Variants in PBRM1 observed in about 807,000 individuals in gnomAD.
The protein encoded by PBRM1 is protein polybromo-1.
A neutral mutation model predicts 194.5 loss-of-function variants in PBRM1; 27 were observed. That is an observed-to-expected ratio of 0.14 (90% confidence interval 0.10 to 0.19). The LOEUF (loss-of-function observed/expected upper bound fraction) is 0.19. Among genes scored for constraint, PBRM1 ranks in the 10% least tolerant of loss-of-function variants. The pLI is 1.00. For synonymous variants in PBRM1, 655 were observed against 693.2 expected (o/e 0.94, Z 0.87); for missense variants, 1,466 against 2,077.2 (o/e 0.71, Z 5.72).
intron 2 of PBRM1, among the ~76,000 whole-genome samples, chr3:52,672,094 T>C (rs1222540371): frequency 6.6e-6 from 1 of 152,242 alleles, no homozygotes; most frequent in Non-Finnish European, 1.5e-5. Flanking sequence ...CAGGGCTGCA[T>C]GCCGTCTGGA....
chr3:52,660,615 C>T lies in PBRM1; in HGVS notation c.528+1518G>A, dbSNP rs1258628680. Among the ~76,000 whole-genome samples the T allele has an allele frequency of 5.3e-5, 8 of 151,906 alleles. No individual in the cohort carries two copies. In the South Asian group the frequency reaches 1.0e-3, roughly 20 times the overall value. On this transcript the variant is annotated intron_variant, in intron 4 of 29. Transcript: ENST00000296302. ...GCAACCTCTGCCTCCCGGGTTCAAG[C>T]GATTCTCCTGCCTCAGCCTCCCGAG...
chr3:52,627,188 G>T, intron 13 of PBRM1, 85 bp downstream of exon 14: 1 of 715,690 alleles, frequency 1.4e-6, no homozygotes, highest in Non-Finnish European at 2.4e-6. Flanking sequence ...CAACTTGATA[G>T]CTTAAAAAAT....
At chr3:52,667,199 A>C (rs185121134) in intron 3 of PBRM1, among the ~76,000 whole-genome samples, 3 of 152,324 alleles carry the variant, frequency 2.0e-5, no homozygotes, top group South Asian at 2.1e-4. Context: ...AAAACTATAA[A>C]ACTTTAAGAA....
intron 14 of PBRM1, 133 bp from the exon 17 acceptor site, chr3:52,615,589 T>C (rs2094911247): frequency 1.7e-6 from 1 of 605,414 alleles, no homozygotes; most frequent in Non-Finnish European, 2.9e-6. Context: ...CCAGCCTCAC[T>C]ACAGAGCAAT....
intron 22 of PBRM1, among the ~76,000 whole-genome samples, chr3:52,567,565 C>CAAAAAAAAAAAAAAAAAAAAAAA (rs10644120): frequency 1.1e-5 from 1 of 91,672 alleles, no homozygotes; most frequent in Non-Finnish European, 2.2e-5. Context: ...TAGGTAATCT[C>CAAAAAAAAAAAAAAAAAAAAAAA]AAAAAAAAAA....
intron 2 of PBRM1, among the ~76,000 whole-genome samples, chr3:52,674,083 G>A (rs2097023782): frequency 6.6e-6 from 1 of 151,370 alleles, no homozygotes; most frequent in Admixed American, 6.6e-5. Flanking sequence ...TATATATATA[G>A]AATGCAGATA....
chr3:52,647,644 C>T (rs1162002596), intron 7 of PBRM1, among the ~76,000 whole-genome samples: 1 of 151,244 alleles, frequency 6.6e-6, no homozygotes, highest in Admixed American at 6.6e-5. Flanking sequence ...TATTATTCCG[C>T]AATAAAAAGA....
intron 2 of PBRM1, among the ~76,000 whole-genome samples, chr3:52,674,905 C>G (rs1009519941): frequency 6.6e-6 from 1 of 150,688 alleles, no homozygotes; most frequent in African/African-American, 2.4e-5. Context: ...GAGGTTGAGT[C>G]TGCACTGAAC....
At chr3:52,630,765 T>G (rs957798425) in intron 11 of PBRM1, among the ~76,000 whole-genome samples, 1 of 152,174 alleles carries the variant, frequency 6.6e-6, no homozygotes, top group African/African-American at 2.4e-5. Flanking sequence ...CCATTATAAA[T>G]TAGAAAGGGG....
At chr3:52,625,699 C>G (rs535042753) in intron 13 of PBRM1, among the ~76,000 whole-genome samples, 1 of 151,936 alleles carries the variant, frequency 6.6e-6, no homozygotes, top group African/African-American at 2.4e-5. Context: ...CTCAGCCTCC[C>G]GAGTAGCTGG....
intron 22 of PBRM1, among the ~76,000 whole-genome samples, chr3:52,566,254 G>A (rs2085184581): frequency 6.6e-6 from 1 of 151,992 alleles, no homozygotes; most frequent in African/African-American, 2.4e-5. Flanking sequence ...CTGTAAAATG[G>A]TGCAGCTGCT....
intron 22 of PBRM1, among the ~76,000 whole-genome samples, chr3:52,571,462 C>A (rs2087177269): frequency 1.3e-5 from 2 of 150,956 alleles, no homozygotes; most frequent in African/African-American, 4.9e-5. Flanking sequence ...CCCGTCTCTA[C>A]TAAAATACAA....
chr3:52,563,480 G>C (rs776550567), exon 24 of PBRM1: 2 of 1,613,480 alleles, frequency 1.2e-6, no homozygotes, highest in Non-Finnish European at 1.7e-6. Context: ...TCCTTCTGAG[G>C]AACAATTGGT....
rs2095404793 is a variant in PBRM1 at position 52,625,073 on chromosome 3, A to G, written c.1541+2200T>C. ...AAGTACCAAAGACAATATTTGAAAC[A>G]TTTCAACAAGGAAGACAGATGTTGG... is the stretch of plus-strand genomic sequence containing the variant. On this transcript the variant is annotated intron_variant, in intron 13 of 29. Transcript: ENST00000296302. The G allele has an allele frequency of 2.3e-5, 16 of 691,874 alleles. No homozygotes were observed. In the South Asian group the frequency reaches 2.6e-4, roughly 11 times the overall value. 42.9% of individuals were successfully genotyped at this position (691,874 alleles called of 1,614,324 possible). A position where few individuals can be genotyped will look rare whatever the true frequency, so the allele number is the denominator to read the frequency against.
intron 5 of PBRM1, among the ~76,000 whole-genome samples, chr3:52,652,804 C>A (rs968221453): frequency 6.6e-6 from 1 of 152,056 alleles, no homozygotes; most frequent in Non-Finnish European, 1.5e-5. Flanking sequence ...TCAAGACCAA[C>A]CTGGCCAACA....
intron 10 of PBRM1, among the ~76,000 whole-genome samples, chr3:52,635,590 A>G (rs2095781916): frequency 6.6e-6 from 1 of 151,962 alleles, no homozygotes; most frequent in African/African-American, 2.4e-5. Context: ...AAACAAAAAA[A>G]CCTCTCAAAT....
chr3:52,584,380 A>G (rs1033661540), intron 20 of PBRM1, among the ~76,000 whole-genome samples: 5 of 131,874 alleles, frequency 3.8e-5, no homozygotes, highest in African/African-American at 1.5e-4. Flanking sequence ...TGAAATTTCT[A>G]TTTGCTAAAT....
exon 11 of PBRM1, chr3:52,634,726 C>A (rs2153646456): frequency 6.2e-7 from 1 of 1,613,818 alleles, no homozygotes; most frequent in East Asian, 2.2e-5. Context: ...CAACTCCTAA[C>A]TGTGTCATAA....
chr3:52,565,303 C>T (rs187999252), intron 22 of PBRM1, among the ~76,000 whole-genome samples: 10 of 151,484 alleles, frequency 6.6e-5, no homozygotes, highest in Admixed American at 4.6e-4. Context: ...GTCAGGAGTT[C>T]GAGACCAGCC....
Sources: gnomAD v4.1 joint callset for allele counts (sites outside exome capture counted in the v4.1 genomes callset) on GRCh38, gnomAD v4.1.1 for gene constraint, MANE v1.5 for transcripts, NCBI Gene and HGNC (gene_info 2026-07-23, HGNC 2026-07-21) for gene names.